Variants in TEX2 observed in about 807,000 individuals in gnomAD.
TEX2 encodes the protein testis expressed 2.
Under a neutral mutation model 106.9 loss-of-function variants are expected in TEX2, and 53 were observed. The observed-to-expected ratio is 0.50, with a 90% CI of 0.40 to 0.62. The LOEUF (loss-of-function observed/expected upper bound fraction) is 0.62. Among genes scored for constraint, TEX2 ranks in the 20% least tolerant of loss-of-function variants. TEX2 has a pLI of 0.00. For synonymous variants in TEX2, 523 were observed against 534.8 expected (o/e 0.98, Z 0.30); for missense variants, 1,207 against 1,379.0 (o/e 0.88, Z 1.98).
intron 2 of TEX2, among the ~76,000 whole-genome samples, chr17:64,197,798 A>C (rs2032523872): frequency 6.6e-6 from 1 of 152,128 alleles, no homozygotes; most frequent in South Asian, 2.1e-4. Flanking sequence ...TCTTGGTCTC[A>C]AGCAGTTCTC....
intron 10 of TEX2, among the ~76,000 whole-genome samples, chr17:64,151,629 A>C (rs75115382): frequency 0.018 from 2,677 of 152,324 alleles, 83 homozygotes; most frequent in African/African-American, 0.061. Flanking sequence ...TACAGTAAAA[A>C]TGTCAAGTTG....
chr17:64,172,071 C>G (rs1222835769), intron 6 of TEX2, among the ~76,000 whole-genome samples: 1 of 151,510 alleles, frequency 6.6e-6, no homozygotes, highest in Non-Finnish European at 1.5e-5. Flanking sequence ...ACAGCACATG[C>G]TGGCCAGGCG....
In TEX2 at chr17:64,217,748, C is replaced by T. The variant is rs1193298353; in HGVS notation, c.-25-3506G>A. Reference sequence around the variant, plus strand: ...GGAACTGAAAGGCCAAAAAAGAAAGCTTCCTTCTCAACAGTCTCTTTTTCC... The same window carrying T: ...GGAACTGAAAGGCCAAAAAAGAAAGTTTCCTTCTCAACAGTCTCTTTTTCC... On this transcript the variant is annotated intron_variant, in intron 1 of 11. Transcript: ENST00000584379. The surrounding 1 kb of genome is among the most constrained non-coding windows in gnomAD (Gnocchi z 4.3). Among the ~76,000 whole-genome samples the T allele has an allele frequency of 6.6e-6, 1 of 152,206 alleles. No homozygotes were observed. The highest frequency in any genetic ancestry group is 1.5e-5 in the Non-Finnish European group (1 of 68,024).
rs141768491 is a variant in TEX2, at chr17:64,224,891, G to A, written c.-25-10649C>T. 6.4e-5 allele frequency among the ~76,000 whole-genome samples: 9 copies of A among 140,998 alleles called. No homozygotes were observed. In the East Asian group the frequency reaches 7.7e-4, roughly 12 times the overall value. 92.5% of individuals were successfully genotyped at this position (140,998 alleles called of 152,430 possible). ...TAACTCATTGAAAACCAGGTCATGC[G>A]TTCAGCACAACCATACAAGGCCTGT... On this transcript the variant is annotated intron_variant, in intron 1 of 11. Coordinates refer to ENST00000584379, the MANE Select transcript of TEX2 (RefSeq NM_001288732.2).
chr17:64,180,060 T>G (rs1295344427), intron 5 of TEX2, among the ~76,000 whole-genome samples: 1 of 152,208 alleles, frequency 6.6e-6, no homozygotes, highest in Admixed American at 6.5e-5. Flanking sequence ...CATTCAGCTT[T>G]TCTGAGGTTA....
chr17:64,148,916 A>G lies in TEX2; in HGVS notation c.*53T>C. The G allele has an allele frequency of 6.2e-7, 1 of 1,609,920 alleles. No individual in the cohort carries two copies. Among genetic ancestry groups the G allele is most frequent in the Non-Finnish European group, 8.5e-7 (1 of 1,178,130 alleles). On this transcript the variant is annotated 3_prime_UTR_variant, in exon 12 of 12. Coordinates refer to ENST00000584379, the MANE Select transcript of TEX2 (RefSeq NM_001288732.2). The stretch of plus-strand genomic sequence containing the variant: ...GCTACAGTACAGATGGCGGCCAAGA[A>G]CCCCACACATCCAGCTCGATGTCAC...
chr17:64,161,077 G>C, intron 7 of TEX2, 144 bp from the exon 8 acceptor site: 1 of 863,212 alleles, frequency 1.2e-6, no homozygotes, highest in Non-Finnish European at 1.7e-6. Context: ...AGAGGACTGA[G>C]AGCACATTGT....
At chr17:64,254,652 G>A (rs1353605785) in intron 1 of TEX2, among the ~76,000 whole-genome samples, 1 of 152,140 alleles carries the variant, frequency 6.6e-6, no homozygotes, top group South Asian at 2.1e-4. Context: ...AGAAACTTTC[G>A]ACATATTAAC....
intron 1 of TEX2, among the ~76,000 whole-genome samples, chr17:64,257,814 TAGGAA>T (rs1244469907): frequency 1.3e-4 from 20 of 152,208 alleles, no homozygotes; most frequent in African/African-American, 4.6e-4. Context: ...CTTCACAACT[TAGGAA>T]AGGAAAAAAT....
At chr17:64,188,769 T>TCC (rs1567928279) in intron 4 of TEX2, among the ~76,000 whole-genome samples, 1 of 146,684 alleles carries the variant, frequency 6.8e-6, no homozygotes. Flanking sequence ...TGAGCCAAGA[T>TCC]CATGCCACTG....
chr17:64,223,974 C>G (rs1431279360), intron 1 of TEX2, among the ~76,000 whole-genome samples: 1 of 152,154 alleles, frequency 6.6e-6, no homozygotes, highest in Non-Finnish European at 1.5e-5. Context: ...AGCCTGGTGT[C>G]GAGTGTGCTT....
chr17:64,180,273 T>G (rs1464956605), intron 5 of TEX2, among the ~76,000 whole-genome samples: 1 of 152,208 alleles, frequency 6.6e-6, no homozygotes, highest in Non-Finnish European at 1.5e-5. Context: ...TTATTAGCCT[T>G]TCTTTACAAC....
At chr17:64,223,713 CTTTT>C (rs34897234) in intron 1 of TEX2, among the ~76,000 whole-genome samples, 2 of 110,758 alleles carry the variant, frequency 1.8e-5, no homozygotes, top group East Asian at 2.7e-4. Context: ...AACAGAGCAT[CTTTT>C]TTTTTTTTTT....
chr17:64,257,998 G>A (rs567462173), intron 1 of TEX2, among the ~76,000 whole-genome samples: 5 of 151,048 alleles, frequency 3.3e-5, no homozygotes, highest in South Asian at 2.1e-4. Context: ...TGCAACCTCC[G>A]CCTCCTGGGC....
intron 4 of TEX2, among the ~76,000 whole-genome samples, chr17:64,191,526 G>T (rs2032295002): frequency 6.6e-6 from 1 of 152,160 alleles, no homozygotes; most frequent in African/African-American, 2.4e-5. Context: ...ATTTAAAAAT[G>T]TAAAAAGAGG....
At chr17:64,155,373 C>G (rs576817638) in intron 8 of TEX2, 1 of 158,856 alleles carries the variant, frequency 6.3e-6, no homozygotes, top group African/African-American at 2.4e-5. Flanking sequence ...ACAGCTTATA[C>G]TGGTGACATG....
chr17:64,196,045 T>C lies in TEX2; in HGVS notation c.1645-950A>G, dbSNP rs534526646. On this transcript the variant is annotated intron_variant, in intron 2 of 11. Coordinates refer to ENST00000584379, the MANE Select transcript of TEX2 (RefSeq NM_001288732.2). ...GATGCTAAAGCTCACTACATGGGAGTTGGGACTGTCATTCTTTTCAAGCAA... is the reference window on the plus strand; with the variant it reads ...GATGCTAAAGCTCACTACATGGGAGCTGGGACTGTCATTCTTTTCAAGCAA... 1.2e-3 allele frequency among the ~76,000 whole-genome samples: 177 copies of C among 152,262 alleles called. 1 individual carries two copies. Among genetic ancestry groups the C allele is most frequent in the African/African-American group, 3.9e-3 (163 of 41,554 alleles).
chr17:64,241,147 T>C (rs1301417320), intron 1 of TEX2, among the ~76,000 whole-genome samples: 4 of 152,178 alleles, frequency 2.6e-5, no homozygotes, highest in Admixed American at 1.3e-4. Context: ...CATTTGGGGT[T>C]GTCAGAGCTC....
chr17:64,198,122 G>A (rs1555629610), intron 2 of TEX2, among the ~76,000 whole-genome samples: 1 of 151,646 alleles, frequency 6.6e-6, no homozygotes, highest in African/African-American at 2.4e-5. Flanking sequence ...ATTCTTTTAA[G>A]CTTGTTATAT....
Sources: gnomAD v4.1 joint callset for allele counts (sites outside exome capture counted in the v4.1 genomes callset) on GRCh38, gnomAD v4.1.1 for gene constraint, Gnocchi (gnomAD v3.1) non-coding constraint, MANE v1.5 for transcripts, NCBI Gene and HGNC (gene_info 2026-07-23, HGNC 2026-07-21) for gene names.